EPPK1: variants seen among roughly 807,000 people sequenced by gnomAD.
EPPK1 encodes the protein epiplakin 1.
For missense variants in EPPK1, 3,823 were observed against 3,673.3 expected (o/e 1.04, Z -1.05); for synonymous variants, 1,862 against 1,721.2 (o/e 1.08, Z -2.03).
chr8:143,857,955 G>A lies in EPPK1; in HGVS notation c.*32C>T. The A allele has an allele frequency of 4.6e-6, 6 of 1,304,500 alleles. No individual in the cohort carries two copies. The highest frequency in any genetic ancestry group is 6.3e-6 in the Non-Finnish European group (6 of 950,766). 80.8% of individuals were successfully genotyped at this position (1,304,500 alleles called of 1,614,324 possible). ...ACACAAGTATGCCTCCACTTCTCCAGAGTTGCAGAAAACTGCACGGAGGAA... is the reference window on the plus strand; with the variant it reads ...ACACAAGTATGCCTCCACTTCTCCAAAGTTGCAGAAAACTGCACGGAGGAA... On this transcript the variant is annotated 3_prime_UTR_variant, in exon 2 of 2. Transcript: ENST00000615648.
chr8:143,857,501 G>C lies in EPPK1; in HGVS notation c.*486C>G, dbSNP rs1818912917. On this transcript the variant is annotated 3_prime_UTR_variant, in exon 2 of 2. Transcript: ENST00000615648. ...CAGCACAGCAGCCAGGGAAAGCCCG[G>C]GGAGGAGGACCGAAATAGAGCCAGG... 6.4e-6 allele frequency: 1 copy of C among 156,172 alleles called. No individual in the cohort carries two copies. The highest frequency in any genetic ancestry group is 1.4e-5 in the Non-Finnish European group (1 of 70,854). 9.7% of individuals were successfully genotyped at this position (156,172 alleles called of 1,614,324 possible). A position where few individuals can be genotyped will look rare whatever the true frequency, so the allele number is the denominator to read the frequency against.
intron 1 of EPPK1, among the ~76,000 whole-genome samples, chr8:143,876,321 G>A (rs528685979): frequency 1.4e-4 from 22 of 152,320 alleles, no homozygotes; most frequent in East Asian, 1.4e-3. Context: ...CAGCAGGCGC[G>A]CCCGGGTTGA....
At position 143,867,360 on chromosome 8, in the gene EPPK1, C is replaced by G. The variant is rs372896876; in HGVS notation, c.5894G>C (p.Arg1965Pro). 6.2e-7 allele frequency: 1 copy of G among 1,612,886 alleles called. No homozygotes were observed. Among genetic ancestry groups the G allele is most frequent in the African/African-American group, 1.3e-5 (1 of 75,056 alleles). Residue 1965 changes from arginine (R) to proline (P), a missense_variant, in exon 2 of 2, where the codon CGG becomes CCG. Coordinates refer to ENST00000615648, the MANE Select transcript of EPPK1 (RefSeq NM_031308.4). ...TCTTTCAGCCTTCAGGAGCCTCTCC[C>G]GCAGCTCCTCGTTCACCAGGCCCAC... ...VDVGLVNEEL[R>P]ERLLKAERAA...
rs782487282 is a variant in EPPK1 at position 143,867,312 on chromosome 8, G to T, written c.5942C>A (p.Pro1981Gln). The T allele has an allele frequency of 6.2e-7, 1 of 1,612,448 alleles. No individual in the cohort carries two copies. The highest frequency in any genetic ancestry group is 2.2e-5 in the East Asian group (1 of 44,888). The part of the protein sequence containing the change: ...AERAATGYRD[P>Q]ATGDTIPLFQ... ...CAGCGGGATCGTGTCTCCTGTGGCCGGATCCCTGTAGCCCGTGGCAGCTCT... is the reference window on the plus strand; with the variant it reads ...CAGCGGGATCGTGTCTCCTGTGGCCTGATCCCTGTAGCCCGTGGCAGCTCT... The change falls in exon 2 of 2, where the codon CCG (proline) becomes CAG (glutamine). Residue 1981 changes from proline (P) to glutamine (Q), a missense_variant. Pro to Gln is a moderately conservative substitution (Grantham distance 76, BLOSUM62 -1). Transcript: ENST00000615648.
chr8:143,871,198 G>A lies in EPPK1; in HGVS notation c.2056C>T (p.Arg686Cys), dbSNP rs376915151. 4.3e-5 allele frequency: 70 copies of A among 1,613,018 alleles called. 1 individual carries two copies. The highest frequency in any genetic ancestry group is 3.3e-4 in the South Asian group (30 of 91,082). ...GGGTCAGTGTAGCCAGTGACAGCGCGCTCAGCCGACAGCAGCTTCGCGAAC... is the reference window on the plus strand; with the variant it reads ...GGGTCAGTGTAGCCAGTGACAGCGCACTCAGCCGACAGCAGCTTCGCGAAC... ...DVFAKLLSAE[R>C]AVTGYTDPYT... is the part of the protein sequence containing the mutation. The change falls in exon 2 of 2, where the codon CGC (arginine) becomes TGC (cysteine). Residue 686 changes from arginine (R) to cysteine (C), a missense_variant. By Grantham distance (180) the Arg-to-Cys change is radical (BLOSUM62 -3). Coordinates refer to ENST00000615648, the MANE Select transcript of EPPK1 (RefSeq NM_031308.4).
Position 143,857,351 on chromosome 8 carries a change from T to C in EPPK1, c.*636A>G, listed in dbSNP as rs1189812820. ...TCCTTCATATTTTACTTGTTCAGAA[T>C]TTTTCCTAGTAAATTACTACAAAAA... On this transcript the variant is annotated 3_prime_UTR_variant, in exon 2 of 2. Coordinates refer to ENST00000615648, the MANE Select transcript of EPPK1 (RefSeq NM_031308.4). 6.6e-6 allele frequency: 1 copy of C among 152,252 alleles called. No individual in the cohort carries two copies. The highest frequency in any genetic ancestry group is 1.5e-5 in the Non-Finnish European group (1 of 68,058). 9.4% of individuals were successfully genotyped at this position (152,252 alleles called of 1,614,324 possible). A position where few individuals can be genotyped will look rare whatever the true frequency, so the allele number is the denominator to read the frequency against.
intron 1 of EPPK1, among the ~76,000 whole-genome samples, chr8:143,875,794 G>A (rs574362093): frequency 1.2e-4 from 19 of 152,230 alleles, no homozygotes; most frequent in African/African-American, 1.9e-4. Flanking sequence ...AGGCACAGCC[G>A]GGGTGCCAGC....
Position 143,870,771 on chromosome 8 carries a change from C to T in EPPK1, c.2483G>A (p.Gly828Glu), listed in dbSNP as rs1472384089. The T allele has an allele frequency of 4.1e-5, 66 of 1,612,576 alleles. No homozygotes were observed. Among genetic ancestry groups the T allele is most frequent in the Non-Finnish European group, 5.3e-5 (62 of 1,179,876 alleles). ...CAGCTCCCACGCGGAGACCCTCTGCCCCTGAAACCGTCCATACTTCACGGA... is the reference window on the plus strand; with the variant it reads ...CAGCTCCCACGCGGAGACCCTCTGCTCCTGAAACCGTCCATACTTCACGGA... ...LLSVKYGRFQ[G>E]QRVSAWELIN... The change falls in exon 2 of 2, where the codon GGG (glycine) becomes GAG (glutamate). Residue 828 changes from glycine (G) to glutamate (E), a missense_variant. Physicochemically the swap from Gly to Glu is moderately conservative, Grantham distance 98. Transcript: ENST00000615648. The surrounding 1 kb of genome is among the most constrained non-coding windows in gnomAD (Gnocchi z 5.2).
rs201996221 is a variant in EPPK1 at position 143,867,633 on chromosome 8, C to T, written c.5621G>A (p.Arg1874His). ...TGCCTGTCCCCCAGTCCTCCCCACA[C>T]GAAGTGTGTGCAGGGTCTTCTGATC... is the stretch of plus-strand genomic sequence containing the variant. Reference protein sequence around the residue: ...VIDQKTLHTLRVGRTGGQALS... With the variant: ...VIDQKTLHTLHVGRTGGQALS... The change falls in exon 2 of 2, where the codon CGT becomes CAT. Residue 1874 changes from arginine to histidine, a missense_variant. By Grantham distance (29) the Arg-to-His change is conservative (BLOSUM62 0). Coordinates refer to ENST00000615648, the MANE Select transcript of EPPK1 (RefSeq NM_031308.4). 85 of 1,613,250 alleles carry T rather than the reference C, an allele frequency of 5.3e-5. No individual in the cohort carries two copies. The highest frequency in any genetic ancestry group is 4.5e-5 in the East Asian group (2 of 44,890).
chr8:143,873,670 C>T (rs1006213998), intron 1 of EPPK1, among the ~76,000 whole-genome samples: 3 of 151,862 alleles, frequency 2.0e-5, no homozygotes, highest in Admixed American at 6.5e-5. Context: ...TAGCCCTGCC[C>T]GAGGGGCCCA....
In EPPK1 at chr8:143,871,344, G is replaced by A. The variant is rs782465112; in HGVS notation, c.1910C>T (p.Pro637Leu). The A allele has an allele frequency of 6.2e-7, 1 of 1,610,576 alleles. No individual in the cohort carries two copies. Among genetic ancestry groups the A allele is most frequent in the Admixed American group, 1.7e-5 (1 of 59,722 alleles). ...YEARCKGLLR[P>L]GTALILLEAQ... ...CTCCAGAAGGATGAGGGCAGTGCCG[G>A]GCCGGAGGAGCCCCTTGCATCGGGC... Residue 637 changes from proline (P) to leucine (L), a missense_variant, in exon 2 of 2, where the codon CCC (proline) becomes CTC (leucine). Transcript: ENST00000615648.
In EPPK1 at chr8:143,866,904, C is replaced by T. The variant is rs782789068; in HGVS notation, c.6350G>A (p.Gly2117Asp). Residue 2117 changes from glycine to aspartate, a missense_variant, in exon 2 of 2, where the codon GGC becomes GAC. Gly to Asp is a moderately conservative substitution (Grantham distance 94). Transcript: ENST00000615648. ...TAGTGCCCACAGTGTTGGTTTCTGG[C>T]CTCTGAACCTTCCCACTGTGATTTC... ...QVEITVGRFRGQKPTLWALLN... is the reference protein window; with the variant it reads ...QVEITVGRFRDQKPTLWALLN... 8.7e-6 allele frequency: 14 copies of T among 1,612,952 alleles called. No homozygotes were observed. Among genetic ancestry groups the T allele is most frequent in the Non-Finnish European group, 8.5e-6 (10 of 1,179,880 alleles).
In EPPK1 at chr8:143,870,041, C is replaced by T. The variant is rs1264231389; in HGVS notation, c.3213G>A (p.Gln1071=). 6 of 1,611,028 alleles carry T rather than the reference C, an allele frequency of 3.7e-6. No individual in the cohort carries two copies. The highest frequency in any genetic ancestry group is 5.1e-6 in the Non-Finnish European group (6 of 1,179,132). The part of the protein sequence containing the change: ...PVAIQRGYVD[Q]EMETALSSSS... ...AGCTGGACAAGGCTGTCTCCATCTC[C>T]TGGTCAACATAGCCACGCTGAATGG... The change falls in exon 2 of 2, where the codon CAG becomes CAA. Residue 1071 remains glutamine (Q), a synonymous_variant. Coordinates refer to ENST00000615648, the MANE Select transcript of EPPK1 (RefSeq NM_031308.4). The surrounding 1 kb of genome is among the most constrained non-coding windows in gnomAD (Gnocchi z 5.2).
Position 143,872,302 on chromosome 8 carries a change from G to A in EPPK1, c.952C>T (p.Leu318Phe), listed in dbSNP as rs1554661506. 2 of 1,602,724 alleles carry A rather than the reference G, an allele frequency of 1.2e-6. No homozygotes were observed. Among genetic ancestry groups the A allele is most frequent in the Non-Finnish European group, 8.5e-7 (1 of 1,174,548 alleles). The change falls in exon 2 of 2, where the codon CTC becomes TTC. Residue 318 changes from leucine to phenylalanine, a missense_variant. By Grantham distance (22) the Leu-to-Phe change is conservative. Coordinates refer to ENST00000615648, the MANE Select transcript of EPPK1 (RefSeq NM_031308.4). ...TGGGTGGCAGCCTGGGCCTCTAGGA[G>A]TGGCAGCGCGGTGCCCATTGGGAGC... ...HLLPMGTALP[L>F]LEAQAATHTL...
Position 143,871,480 on chromosome 8 carries a change from T to C in EPPK1, c.1774A>G (p.Thr592Ala). ...LYERLEHGQA[T>A]AKDVGSLASV... Reference sequence around the variant, plus strand: ...GCCAGGCTGCCCACATCCTTGGCTGTGGCCTGTCCATGCTCCAGCCGCTCG... The same window carrying C: ...GCCAGGCTGCCCACATCCTTGGCTGCGGCCTGTCCATGCTCCAGCCGCTCG... The change falls in exon 2 of 2, where the codon ACA becomes GCA. Residue 592 changes from threonine to alanine, a missense_variant. By Grantham distance (58) the Thr-to-Ala change is moderately conservative. Transcript: ENST00000615648. 6.2e-7 allele frequency: 1 copy of C among 1,609,306 alleles called. No homozygotes were observed.
Position 143,866,867 on chromosome 8 carries a change from T to C in EPPK1, c.6387A>G (p.Glu2129=). 1.9e-6 allele frequency: 3 copies of C among 1,613,266 alleles called. No individual in the cohort carries two copies. The highest frequency in any genetic ancestry group is 2.5e-6 in the Non-Finnish European group (3 of 1,179,854). Residue 2129 remains glutamate, a synonymous_variant, in exon 2 of 2, where the codon GAA becomes GAG. Transcript: ENST00000615648. ...KPTLWALLNS[E]YVTEEKKLQL... is the part of the protein sequence containing the mutation. ...GGAGCTTCTTCTCCTCTGTCACGTA[T>C]TCGGAATTCAGTAGTGCCCACAGTG...
intron 1 of EPPK1, among the ~76,000 whole-genome samples, chr8:143,873,522 G>A (rs1434283804): frequency 6.6e-6 from 1 of 152,066 alleles, no homozygotes; most frequent in Admixed American, 6.5e-5. Flanking sequence ...GCACCCAGGC[G>A]GCGCCGGGAG....
chr8:143,863,143 C>CATCAAAAAA lies in EPPK1; in HGVS notation c.10110_10111insTTTTTTGAT (p.Ala3370_Glu3371insPhePheAsp). 9.8e-6 allele frequency: 1 copy of CATCAAAAAA among 101,600 alleles called. No homozygotes were observed. Among genetic ancestry groups the CATCAAAAAA allele is most frequent in the Non-Finnish European group, 1.8e-5 (1 of 55,502 alleles). 6.3% of individuals were successfully genotyped at this position (101,600 alleles called of 1,614,324 possible). Reference sequence around the variant, plus strand: ...TCGGTGTAGCCGGTGACGGCGCGCTCGGCCGACAGCAGCTTCTCCTGGATC... The same window carrying CATCAAAAAA: ...TCGGTGTAGCCGGTGACGGCGCGCTCATCAAAAAAGGCCGACAGCAGCTTCTCCTGGATC... On this transcript the variant is annotated inframe_insertion, in exon 2 of 2. Transcript: ENST00000615648.
rs979384132 is a variant in EPPK1 at position 143,872,565 on chromosome 8, G to A, written c.689C>T (p.Pro230Leu). 1.2e-6 allele frequency: 2 copies of A among 1,606,864 alleles called. No homozygotes were observed. The highest frequency in any genetic ancestry group is 1.7e-5 in the Admixed American group (1 of 59,580). Residue 230 changes from proline (P) to leucine (L), a missense_variant, in exon 2 of 2, where the codon CCC becomes CTC. Coordinates refer to ENST00000615648, the MANE Select transcript of EPPK1 (RefSeq NM_031308.4). Reference protein sequence around the residue: ...RAPGSGLALLPLKITFRSMGG... With the variant: ...RAPGSGLALLLLKITFRSMGG... Reference sequence around the variant, plus strand: ...CATGGAGCGGAAGGTGATCTTGAGGGGCAGCAAGGCTAGCCCCGAGCCGGG... The same window carrying A: ...CATGGAGCGGAAGGTGATCTTGAGGAGCAGCAAGGCTAGCCCCGAGCCGGG...
Sources: gnomAD v4.1 joint callset for allele counts (sites outside exome capture counted in the v4.1 genomes callset) on GRCh38, gnomAD v4.1.1 for gene constraint, Gnocchi (gnomAD v3.1) non-coding constraint, MANE v1.5 for transcripts, NCBI Gene and HGNC (gene_info 2026-07-23, HGNC 2026-07-21) for gene names.